The following ADAMTS20 variants were observed in gnomAD, a reference collection of about 807,000 sequenced individuals.
ADAMTS20 encodes A disintegrin and metalloproteinase with thrombospondin motifs 20.
In ADAMTS20, 225 loss-of-function variants were observed where a neutral mutation model predicts 260.1. That is an observed-to-expected ratio of 0.87 (90% CI 0.78 to 0.97). The LOEUF (loss-of-function observed/expected upper bound fraction) is 0.97. Ranked by LOEUF, ADAMTS20 falls within the 50% of genes least tolerant of loss-of-function variation. The pLI is 0.00. For missense variants in ADAMTS20, 2,400 were observed against 2,337.7 expected (o/e 1.03, Z -0.55); for synonymous variants, 802 against 769.5 (o/e 1.04, Z -0.70).
In ADAMTS20 at chr12:43,452,516, C is replaced by T; in HGVS notation, c.1940G>A (p.Gly647Asp). 1 of 1,610,924 alleles carries T rather than the reference C, an allele frequency of 6.2e-7. No homozygotes were observed. The highest frequency in any genetic ancestry group is 8.5e-7 in the Non-Finnish European group (1 of 1,177,926). ...SNVRWLPRYS[G>D]IGTKDRCKLY... ...AAGAACCAGCATAATTTACTTACTG[C>T]CACTGTATCTTGGAAGCCACCTCAC... The change falls in exon 13 of 39, where the codon GGC (glycine) becomes GAC (aspartate). Residue 647 changes from glycine (G) to aspartate (D), a missense_variant and splice_region_variant. By Grantham distance (94) the Gly-to-Asp change is moderately conservative. Coordinates refer to ENST00000389420, the MANE Select transcript of ADAMTS20 (RefSeq NM_025003.5).
At chr12:43,376,694 A>T in intron 32 of ADAMTS20, 41 bp from the exon 33 acceptor site, 1 of 1,568,988 alleles carries the variant, frequency 6.4e-7, no homozygotes, top group Non-Finnish European at 8.6e-7. Context: ...TATATTATGA[A>T]TCTTAAGGCC....
intron 16 of ADAMTS20, 67 bp downstream of exon 16, chr12:43,443,695 AGGGACTCCTGTTTTCCAAGAATTCACATC>A: frequency 1.1e-6 from 1 of 944,064 alleles, no homozygotes. Flanking sequence ...TGCTTGCTAA[AGGGACTCCTGTTTTCCAAGAATTCACATC>A]AACTACAGAC....
At chr12:43,542,552 A>T (rs1943391190) in intron 2 of ADAMTS20, among the ~76,000 whole-genome samples, 1 of 151,934 alleles carries the variant, frequency 6.6e-6, no homozygotes, top group South Asian at 2.1e-4. Context: ...ATTTTTCCCT[A>T]TCTAAAAATT....
Position 43,435,872 on chromosome 12 carries a change from C to A in ADAMTS20, c.2594-1501G>T, listed in dbSNP as rs187422734. Among the ~76,000 whole-genome samples the A allele has an allele frequency of 1.7e-4, 26 of 151,964 alleles. No individual in the cohort carries two copies. In the East Asian group the frequency reaches 5.1e-3, roughly 30 times the overall value. On this transcript the variant is annotated intron_variant, in intron 18 of 38. Transcript: ENST00000389420. ...AACTAAGAGAAGTGGTCATAACTGA[C>A]CAGAGTCATTTGAACTTTATGCTTT...
At chr12:43,414,649 A>G (rs950086410) in intron 28 of ADAMTS20, among the ~76,000 whole-genome samples, 6 of 152,134 alleles carry the variant, frequency 3.9e-5, no homozygotes, top group African/African-American at 1.4e-4. Context: ...CGACACACTC[A>G]CTAGAATTGC....
intron 28 of ADAMTS20, among the ~76,000 whole-genome samples, chr12:43,410,834 G>A (rs1342506359): frequency 6.6e-6 from 1 of 152,120 alleles, no homozygotes; most frequent in East Asian, 1.9e-4. Flanking sequence ...GGAAGCAAAT[G>A]TTTACTTAGT....
chr12:43,373,670 C>CTCTTTTTTTTTTT (rs1940154845), intron 36 of ADAMTS20, among the ~76,000 whole-genome samples: 1 of 71,262 alleles, frequency 1.4e-5, no homozygotes, highest in South Asian at 7.5e-4. Flanking sequence ...AATATCATCT[C>CTCTTTTTTTTTTT]TTTTTTTTTT....
intron 29 of ADAMTS20, among the ~76,000 whole-genome samples, chr12:43,385,304 CT>C (rs779923909): frequency 1.3e-5 from 2 of 151,492 alleles, no homozygotes; most frequent in Non-Finnish European, 3.0e-5. Flanking sequence ...AATGGGGTTG[CT>C]TTTTTCTTGT....
intron 2 of ADAMTS20, among the ~76,000 whole-genome samples, chr12:43,540,009 A>G (rs908114417): frequency 2.6e-5 from 4 of 152,034 alleles, no homozygotes; most frequent in Non-Finnish European, 5.9e-5. Flanking sequence ...TAGCCTCCCA[A>G]GTAGCTGGGA....
At chr12:43,491,784 A>G (rs1942603681) in intron 6 of ADAMTS20, among the ~76,000 whole-genome samples, 1 of 152,212 alleles carries the variant, frequency 6.6e-6, no homozygotes, top group Non-Finnish European at 1.5e-5. Context: ...CAAAAAGTGG[A>G]CAAACGAAAG....
At chr12:43,518,282 T>A (rs1257086857) in intron 3 of ADAMTS20, among the ~76,000 whole-genome samples, 1 of 152,144 alleles carries the variant, frequency 6.6e-6, no homozygotes, top group Non-Finnish European at 1.5e-5. Context: ...AGGTCACCAA[T>A]CACCTACTTT....
intron 15 of ADAMTS20, among the ~76,000 whole-genome samples, chr12:43,446,355 C>A (rs1055731465): frequency 6.6e-6 from 1 of 152,108 alleles, no homozygotes; most frequent in Non-Finnish European, 1.5e-5. Flanking sequence ...AAGAAATGCA[C>A]CTAATACATT....
At chr12:43,466,182 C>T (rs1942148852) in intron 9 of ADAMTS20, among the ~76,000 whole-genome samples, 1 of 151,970 alleles carries the variant, frequency 6.6e-6, no homozygotes, top group Non-Finnish European at 1.5e-5. Context: ...AAGTTAGAGA[C>T]TTGGCATCTC....
intron 15 of ADAMTS20, among the ~76,000 whole-genome samples, chr12:43,444,095 T>C (rs1941717664): frequency 6.6e-6 from 1 of 152,204 alleles, no homozygotes; most frequent in Admixed American, 6.5e-5. Context: ...AAACAGAGTT[T>C]AAGATTCTTA....
At chr12:43,367,161 A>G (rs1050724246) in intron 37 of ADAMTS20, among the ~76,000 whole-genome samples, 2 of 151,980 alleles carry the variant, frequency 1.3e-5, no homozygotes, top group Non-Finnish European at 2.9e-5. Flanking sequence ...CTTCCCAAAC[A>G]GTACAAGAGG....
At chr12:43,396,987 G>A (rs530323402) in intron 29 of ADAMTS20, among the ~76,000 whole-genome samples, 17 of 152,236 alleles carry the variant, frequency 1.1e-4, no homozygotes, top group Admixed American at 4.6e-4. Flanking sequence ...TTAACTGCTG[G>A]ACAGATCTGT....
intron 16 of ADAMTS20, among the ~76,000 whole-genome samples, chr12:43,441,430 G>T (rs950390266): frequency 1.3e-5 from 2 of 151,502 alleles, no homozygotes; most frequent in Admixed American, 6.6e-5. Flanking sequence ...GTAGTAAAAA[G>T]AAATCAATGT....
chr12:43,551,450 TCTG>T lies in ADAMTS20; in HGVS notation c.92-183_92-181del, dbSNP rs1233938213. Among the ~76,000 whole-genome samples, 2 of 152,086 alleles carry T rather than the reference TCTG, an allele frequency of 1.3e-5. No homozygotes were observed. The highest frequency in any genetic ancestry group is 3.9e-4 in the East Asian group (2 of 5,142). On this transcript the variant is annotated intron_variant, in intron 1 of 38. Coordinates refer to ENST00000389420, the MANE Select transcript of ADAMTS20 (RefSeq NM_025003.5). This position sits in a 1 kb window ranked among gnomAD's most constrained non-coding sequence, Gnocchi z 4.6. ...ACACGTGCACTGGGACGGTTAGTGC[TCTG>T]CTTTCCCACACCCCCAACTTGCCCT...
At position 43,462,994 on chromosome 12, in the gene ADAMTS20, T is replaced by G. The variant is rs1049767877; in HGVS notation, c.1515A>C (p.Ile505=). 9.4e-6 allele frequency: 15 copies of G among 1,599,466 alleles called. No homozygotes were observed. The highest frequency in any genetic ancestry group is 1.1e-5 in the Non-Finnish European group (13 of 1,172,360). The change falls in exon 11 of 39, where the codon ATA becomes ATC. Residue 505 remains isoleucine, a synonymous_variant. Transcript: ENST00000389420. ...PGSQMCPHIN[I]CMHLWCTSTE... is the part of the protein sequence containing the mutation. ...TGCTTGTGCACCACAGATGCATGCA[T>G]ATATTCTCCTGAGTAACAAAAGGCA... is the stretch of plus-strand genomic sequence containing the variant.
Sources: gnomAD v4.1 joint callset for allele counts (sites outside exome capture counted in the v4.1 genomes callset) on GRCh38, gnomAD v4.1.1 for gene constraint, Gnocchi (gnomAD v3.1) non-coding constraint, MANE v1.5 for transcripts, NCBI Gene and HGNC (gene_info 2026-07-23, HGNC 2026-07-21) for gene names.